Variants in GABRA6 observed in about 807,000 individuals in gnomAD.
The protein encoded by GABRA6 is gamma-aminobutyric acid receptor subunit alpha-6.
In GABRA6, 45 loss-of-function variants were observed where a neutral mutation model predicts 47.3. The observed-to-expected ratio is 0.95, with a 90% CI of 0.75 to 1.22. The LOEUF (loss-of-function observed/expected upper bound fraction) is 1.22, where lower values mean the gene tolerates loss of function less well. Ranked by LOEUF, GABRA6 falls within the 50% of genes most tolerant of loss-of-function variation. The pLI is 0.00. For missense variants in GABRA6, 583 were observed against 549.3 expected (o/e 1.06, Z -0.61); for synonymous variants, 219 against 194.7 (o/e 1.12, Z -1.04).
intron 8 of GABRA6, 87 bp downstream of exon 8, chr5:161,692,287 A>T: frequency 1.3e-6 from 2 of 1,507,054 alleles, no homozygotes; most frequent in South Asian, 2.3e-5. Context: ...TCCAAAAGTA[A>T]TGTGAGTTGA....
intron 8 of GABRA6, among the ~76,000 whole-genome samples, chr5:161,696,199 T>C (rs1434870204): frequency 1.3e-5 from 2 of 152,160 alleles, no homozygotes; most frequent in East Asian, 3.9e-4. Flanking sequence ...AACTTGGGCA[T>C]AGAGAGGGAA....
chr5:161,688,656 A>T (rs1754737102), intron 3 of GABRA6, among the ~76,000 whole-genome samples: 1 of 152,178 alleles, frequency 6.6e-6, no homozygotes, highest in Non-Finnish European at 1.5e-5. Context: ...ATTAAGAAGG[A>T]CATATTGATA....
At position 161,689,729 on chromosome 5, in the gene GABRA6, A is replaced by G. The variant is rs770734349; in HGVS notation, c.623A>G (p.Tyr208Cys). 1 of 1,613,228 alleles carries G rather than the reference A, an allele frequency of 6.2e-7. No homozygotes were observed. The highest frequency in any genetic ancestry group is 8.5e-7 in the Non-Finnish European group (1 of 1,179,214). Residue 208 changes from tyrosine to cysteine, a missense_variant, in exon 6 of 9, where the codon TAT becomes TGT. Transcript: ENST00000274545. ...VPEESSSLLQYDLIGQTVSSE... is the reference protein window; with the variant it reads ...VPEESSSLLQCDLIGQTVSSE... ...GAAGAATCTTCAAGCCTTCTCCAGT[A>G]TGATCTGATTGGACAAACAGTATCT...
chr5:161,702,491 A>G lies in GABRA6; in HGVS notation c.*718A>G, dbSNP rs1755000731. Reference sequence around the variant, plus strand: ...CCATAATTCTATGAGGTTGTAGAAAAAAGTACTCATTATAAGGAAGCCTTG... The same window carrying G: ...CCATAATTCTATGAGGTTGTAGAAAGAAGTACTCATTATAAGGAAGCCTTG... On this transcript the variant is annotated 3_prime_UTR_variant, in exon 9 of 9. Coordinates refer to ENST00000274545, the MANE Select transcript of GABRA6 (RefSeq NM_000811.3). 1 of 152,212 alleles carries G rather than the reference A, an allele frequency of 6.6e-6. No individual in the cohort carries two copies. Among genetic ancestry groups the G allele is most frequent in the African/African-American group, 2.4e-5 (1 of 41,452 alleles). The allele number at this position is 152,212 out of a possible 1,614,324, so 9.4% of individuals were successfully genotyped here. A position where few individuals can be genotyped will look rare whatever the true frequency, so the allele number is the denominator to read the frequency against.
chr5:161,687,148 T>C, intron 3 of GABRA6, 145 bp downstream of exon 3: 2 of 739,066 alleles, frequency 2.7e-6, no homozygotes, highest in Non-Finnish European at 4.9e-6. Context: ...GCATGACCAT[T>C]AGAATGGATT....
rs186055069 is a variant in GABRA6 at position 161,692,048 on chromosome 5, G to C, written c.934G>C (p.Ala312Pro). 1 of 1,614,108 alleles carries C rather than the reference G, an allele frequency of 6.2e-7. No individual in the cohort carries two copies. Among genetic ancestry groups the C allele is most frequent in the Admixed American group, 1.7e-5 (1 of 60,022 alleles). Residue 312 changes from alanine to proline, a missense_variant, in exon 8 of 9, where the codon GCA (alanine) becomes CCA (proline). Ala to Pro is a conservative substitution (Grantham distance 27). Coordinates refer to ENST00000274545, the MANE Select transcript of GABRA6 (RefSeq NM_000811.3). ...AMDWFIAVCF[A>P]FVFSALIEFA... ...GGATTGGTTCATAGCTGTTTGCTTT[G>C]CATTCGTCTTCTCTGCGCTTATCGA...
At chr5:161,691,288 CTTTTTTTTTTTT>C (rs1160422481) in intron 7 of GABRA6, among the ~76,000 whole-genome samples, 4 of 84,710 alleles carry the variant, frequency 4.7e-5, no homozygotes, top group South Asian at 5.4e-4. Context: ...TTTTTCTTTC[CTTTTTTTTTTTT>C]TTTTTTTTTT....
chr5:161,695,218 A>G (rs1375685757), intron 8 of GABRA6, among the ~76,000 whole-genome samples: 1 of 152,128 alleles, frequency 6.6e-6, no homozygotes, highest in African/African-American at 2.4e-5. Context: ...TCTGACCTTA[A>G]AACATGATAG....
rs574955747 is a variant in GABRA6, at chr5:161,689,644, C to T, written c.538C>T (p.Pro180Ser). 6.2e-7 allele frequency: 1 copy of T among 1,608,756 alleles called. No individual in the cohort carries two copies. The highest frequency in any genetic ancestry group is 1.1e-5 in the South Asian group (1 of 90,852). The stretch of plus-strand genomic sequence containing the variant: ...TTGTTTCAAATATTTAGATGCTTAT[C>T]CCAAAAGTGAAATCATATATACGTG... ...CPLKFGSYAYPKSEIIYTWKK... is the reference protein window; with the variant it reads ...CPLKFGSYAYSKSEIIYTWKK... The change falls in exon 6 of 9, where the codon CCC (proline) becomes TCC (serine). Residue 180 changes from proline to serine, a missense_variant. Physicochemically the swap from Pro to Ser is moderately conservative, Grantham distance 74. Coordinates refer to ENST00000274545, the MANE Select transcript of GABRA6 (RefSeq NM_000811.3).
chr5:161,687,777 T>C (rs1206150143), intron 3 of GABRA6: 1 of 165,252 alleles, frequency 6.1e-6, no homozygotes, highest in Non-Finnish European at 1.3e-5. Flanking sequence ...TTTCTGCTTT[T>C]TTAAGTTGGC....
In GABRA6 at chr5:161,685,981, C is replaced by T; in HGVS notation, c.-9C>T. On this transcript the variant is annotated 5_prime_UTR_variant, in exon 1 of 9. Coordinates refer to ENST00000274545, the MANE Select transcript of GABRA6 (RefSeq NM_000811.3). ...GGAGGGTGAATTCTGCATTTCAGTG[C>T]ACTGCAGGATGGCGTCGTCTCTGCC... The T allele has an allele frequency of 1.9e-6, 3 of 1,612,450 alleles. No homozygotes were observed. Among genetic ancestry groups the T allele is most frequent in the Non-Finnish European group, 2.5e-6 (3 of 1,178,450 alleles).
chr5:161,693,966 G>A (rs1433958267), intron 8 of GABRA6, among the ~76,000 whole-genome samples: 1 of 152,122 alleles, frequency 6.6e-6, no homozygotes, highest in African/African-American at 2.4e-5. Context: ...TAAGAAAGTA[G>A]TTGAGTCCCA....
chr5:161,692,137 T>G lies in GABRA6; in HGVS notation c.1023T>G (p.Phe341Leu), dbSNP rs1237124271. The change falls in exon 8 of 9, where the codon TTT (phenylalanine) becomes TTG (leucine). Residue 341 changes from phenylalanine (F) to leucine (L), a missense_variant. Transcript: ENST00000274545. ...QTQKAKRKAQFAAPPTVTISK... is the reference protein window; with the variant it reads ...QTQKAKRKAQLAAPPTVTISK... ...AGAAGGCCAAAAGGAAGGCACAGTTTGCAGCCCCACCCACAGTGACAATAT... is the reference window on the plus strand; with the variant it reads ...AGAAGGCCAAAAGGAAGGCACAGTTGGCAGCCCCACCCACAGTGACAATAT... 1.2e-6 allele frequency: 2 copies of G among 1,614,206 alleles called. No individual in the cohort carries two copies. The highest frequency in any genetic ancestry group is 3.3e-4 in the Middle Eastern group (2 of 6,062).
intron 8 of GABRA6, among the ~76,000 whole-genome samples, chr5:161,694,988 C>T (rs933177097): frequency 6.6e-6 from 1 of 152,018 alleles, no homozygotes; most frequent in Non-Finnish European, 1.5e-5. Flanking sequence ...TCCCAAATAC[C>T]ATGACATTTA....
At chr5:161,698,246 C>T (rs985219824) in intron 8 of GABRA6, among the ~76,000 whole-genome samples, 1 of 151,976 alleles carries the variant, frequency 6.6e-6, no homozygotes, top group African/African-American at 2.4e-5. Context: ...AGATAAGCCA[C>T]AACAAAAATA....
chr5:161,687,038 T>G, intron 3 of GABRA6, 35 bp downstream of exon 3: 2 of 1,581,534 alleles, frequency 1.3e-6, no homozygotes, highest in Non-Finnish European at 1.7e-6. Context: ...GTGTTTTCAT[T>G]TCGGGGAGGA....
chr5:161,697,941 A>G (rs1036652819), intron 8 of GABRA6, among the ~76,000 whole-genome samples: 2 of 152,196 alleles, frequency 1.3e-5, no homozygotes, highest in African/African-American at 2.4e-5. Context: ...GTGAAATAAT[A>G]TTTGAAAATT....
At chr5:161,699,799 A>C (rs1387627739) in intron 8 of GABRA6, among the ~76,000 whole-genome samples, 1 of 151,944 alleles carries the variant, frequency 6.6e-6, no homozygotes, top group East Asian at 1.9e-4. Context: ...TCTCCTCTTC[A>C]AGAGCAGCAT....
At chr5:161,696,727 T>C (rs1038921583) in intron 8 of GABRA6, among the ~76,000 whole-genome samples, 2 of 152,220 alleles carry the variant, frequency 1.3e-5, no homozygotes, top group Non-Finnish European at 2.9e-5. Flanking sequence ...TGGAGTTGTG[T>C]CTGTTTTCAA....
Sources: allele counts gnomAD v4.1 joint callset (sites outside exome capture counted in the v4.1 genomes callset), GRCh38; gene constraint gnomAD v4.1.1; transcripts MANE v1.5; gene names NCBI Gene and HGNC (gene_info 2026-07-23, HGNC 2026-07-21).